Variants in CACNG7 observed in about 807,000 individuals in gnomAD.
The protein encoded by CACNG7 is calcium voltage-gated channel auxiliary subunit gamma 7, also known as voltage-dependent calcium channel gamma-7 subunit.
CACNG7 carries 9 observed loss-of-function variants against 26.3 expected under a neutral mutation model. The ratio of observed to expected loss-of-function variants is 0.34; its 90% CI spans 0.21 to 0.60. The LOEUF (loss-of-function observed/expected upper bound fraction) is 0.60, where lower values mean the gene tolerates loss of function less well. CACNG7 is among the 20% of genes least tolerant of loss of function. The pLI is 0.81. For missense variants in CACNG7, 297 were observed against 380.4 expected, an observed-to-expected ratio of 0.78 and a Z score of 1.82; for synonymous variants, 170 against 157.0, an observed-to-expected ratio of 1.08 and a Z score of -0.62.
chr19:53,921,991 C>CCTGGTCATTGGTGGAGTTGCCCCAGGT (rs2068961098), intron 4 of CACNG7, among the ~76,000 whole-genome samples: 3 of 41,478 alleles, frequency 7.2e-5, no homozygotes, highest in Non-Finnish European at 1.2e-4. Context: ...TTGCCCCAGG[C>CCTGGTCATTGGTGGAGTTGCCCCAGGT]CTGGTCATTG....
chr19:53,918,972 G>A (rs1292559103), intron 4 of CACNG7, among the ~76,000 whole-genome samples: 1 of 152,130 alleles, frequency 6.6e-6, no homozygotes, highest in Non-Finnish European at 1.5e-5. Flanking sequence ...GTTTCACTGT[G>A]TTAGCCAGGA....
intron 4 of CACNG7, among the ~76,000 whole-genome samples, chr19:53,922,521 G>A (rs561487382): frequency 1.1e-5 from 1 of 91,508 alleles, no homozygotes; most frequent in South Asian, 4.3e-4. Context: ...GGTCATTGGT[G>A]GAGTTGTCCC....
chr19:53,916,089 T>C (rs2068895552), intron 4 of CACNG7, among the ~76,000 whole-genome samples: 1 of 152,236 alleles, frequency 6.6e-6, no homozygotes, highest in African/African-American at 2.4e-5. Flanking sequence ...CTTGCGTCTG[T>C]CCATCTGTCT....
intron 4 of CACNG7, among the ~76,000 whole-genome samples, chr19:53,935,632 G>GTTTTTTT (rs751162910): frequency 3.6e-5 from 1 of 27,558 alleles, no homozygotes; most frequent in Non-Finnish European, 7.0e-5. Flanking sequence ...CTCCAATACT[G>GTTTTTTT]TCTTTTTTTT....
Position 53,942,314 on chromosome 19 carries a change from C to A in CACNG7, c.*21C>A, listed in dbSNP as rs201657701. ...GCTGAGGCCCGCCCCTCGGAGCTCC[C>A]CCTGCCTCCTCCTCCTCCTCGTCTT... On this transcript the variant is annotated 3_prime_UTR_variant, in exon 6 of 6. Coordinates refer to ENST00000391767, the MANE Select transcript of CACNG7 (RefSeq NM_031896.5). The surrounding 1 kb of genome is among the most constrained non-coding windows in gnomAD (Gnocchi z 5.9). 1 of 1,586,646 alleles carries A rather than the reference C, an allele frequency of 6.3e-7. No individual in the cohort carries two copies. Among genetic ancestry groups the A allele is most frequent in the South Asian group, 1.1e-5 (1 of 89,704 alleles).
intron 4 of CACNG7, among the ~76,000 whole-genome samples, 197 bp from the exon 5 acceptor site, chr19:53,941,273 T>C (rs1412990455): frequency 5.9e-5 from 9 of 152,028 alleles, no homozygotes; most frequent in Non-Finnish European, 1.5e-5. Flanking sequence ...GGATGGCAGA[T>C]TTAGGGGGAT....
chr19:53,931,705 A>AG (rs1568781856), intron 4 of CACNG7, among the ~76,000 whole-genome samples: 1 of 148,638 alleles, frequency 6.7e-6, no homozygotes, highest in African/African-American at 2.5e-5. Context: ...AAAAAAAAAA[A>AG]AAAGAAAGGA....
At position 53,915,366 on chromosome 19, in the gene CACNG7, G is replaced by A. The variant is rs2068889453; in HGVS notation, c.285G>A (p.Lys95=). The A allele has an allele frequency of 6.2e-7, 1 of 1,612,466 alleles. No homozygotes were observed. The highest frequency in any genetic ancestry group is 1.1e-5 in the South Asian group (1 of 91,020). ...LVTENTENIL[K]TVRTATPFPM... ...TGTCTCTCCCCATCCCCTCCCCAGA[G>A]ACAGTGCGCACGGCCACCCCCTTCC... The change falls in exon 4 of 6, where the codon AAG becomes AAA. Residue 95 remains lysine (K), a splice_region_variant and synonymous_variant. Transcript: ENST00000391767.
intron 4 of CACNG7, among the ~76,000 whole-genome samples, chr19:53,922,753 GGTCATTGGTGGGGTTGTCCCAGGCTC>G (rs1449747269): frequency 1.4e-4 from 9 of 65,676 alleles, no homozygotes; most frequent in South Asian, 6.2e-4. Context: ...TCCCAGGTCT[GGTCATTGGTGGGGTTGTCCCAGGCTC>G]GTCATTGGTG....
intron 4 of CACNG7, among the ~76,000 whole-genome samples, chr19:53,929,964 G>A (rs1384930544): frequency 6.6e-6 from 1 of 151,646 alleles, no homozygotes; most frequent in Non-Finnish European, 1.5e-5. Flanking sequence ...AAAACAAGGT[G>A]GACTTGTTTC....
At chr19:53,918,442 T>C (rs2068912272) in intron 4 of CACNG7, among the ~76,000 whole-genome samples, 1 of 152,194 alleles carries the variant, frequency 6.6e-6, no homozygotes, top group South Asian at 2.1e-4. Flanking sequence ...GTAATTTTCA[T>C]GTGCATGAAA....
In CACNG7 at chr19:53,942,408, C is replaced by G. The variant is rs988424353; in HGVS notation, c.*115C>G. 2.0e-6 allele frequency: 3 copies of G among 1,506,700 alleles called. No individual in the cohort carries two copies. The highest frequency in any genetic ancestry group is 2.7e-6 in the Non-Finnish European group (3 of 1,131,872). The allele number at this position is 1,506,700 out of a possible 1,614,324, so 93.3% of individuals were successfully genotyped here. On this transcript the variant is annotated 3_prime_UTR_variant, in exon 6 of 6. Transcript: ENST00000391767. This position sits in a 1 kb window ranked among gnomAD's most constrained non-coding sequence, Gnocchi z 5.9. Reference sequence around the variant, plus strand: ...ACTCCTCGCTCCCACCCGGAGGAGGCTGCGCCAGCTTTAGGCCCCGCCCTC... The same window carrying G: ...ACTCCTCGCTCCCACCCGGAGGAGGGTGCGCCAGCTTTAGGCCCCGCCCTC...
intron 4 of CACNG7, among the ~76,000 whole-genome samples, chr19:53,924,281 T>TCTGGTCATTGGTGGACTTG (rs2069000888): frequency 7.7e-6 from 1 of 130,512 alleles, no homozygotes; most frequent in Non-Finnish European, 1.6e-5. Flanking sequence ...TGGTGGACTT[T>TCTGGTCATTGGTGGACTTG]CCCCAGGTCT....
At chr19:53,930,179 C>T (rs531063537) in intron 4 of CACNG7, among the ~76,000 whole-genome samples, 29 of 147,948 alleles carry the variant, frequency 2.0e-4, no homozygotes, top group Admixed American at 8.7e-4. Flanking sequence ...GTTTTTCTCT[C>T]TATCTCTCTA....
At chr19:53,930,857 T>C (rs1215339672) in intron 4 of CACNG7, among the ~76,000 whole-genome samples, 2 of 152,168 alleles carry the variant, frequency 1.3e-5, no homozygotes, top group East Asian at 1.9e-4. Context: ...CTTTAGCATT[T>C]GAAAGTAAAT....
chr19:53,941,397 C>T, intron 4 of CACNG7, 73 bp from the exon 5 acceptor site: 1 of 1,436,484 alleles, frequency 7.0e-7, no homozygotes, highest in Non-Finnish European at 9.2e-7. Context: ...GAGGGGAAGG[C>T]AGTGAGGTGG....
At chr19:53,924,449 C>CAGGTCTGGTCATTGGTGGAGTTGTCCG (rs1568777523) in intron 4 of CACNG7, among the ~76,000 whole-genome samples, 1 of 142,810 alleles carries the variant, frequency 7.0e-6, no homozygotes, top group South Asian at 2.3e-4. Context: ...GGAGTTGTCC[C>CAGGTCTGGTCATTGGTGGAGTTGTCCG]AGGTCTGGTC....
In CACNG7 at chr19:53,940,007, C is replaced by T. The variant is rs115569474; in HGVS notation, c.425-1463C>T. Among the ~76,000 whole-genome samples the T allele has an allele frequency of 5.4e-4, 82 of 152,124 alleles. No homozygotes were observed. Among genetic ancestry groups the T allele is most frequent in the African/African-American group, 1.7e-3 (69 of 41,494 alleles). ...CCATGGACCATGGTTTGCCGACCAC[C>T]GGTGTAGACAGTGGAAGGAATTTGG... On this transcript the variant is annotated intron_variant, in intron 4 of 5. Coordinates refer to ENST00000391767, the MANE Select transcript of CACNG7 (RefSeq NM_031896.5). The surrounding 1 kb of genome is among the most constrained non-coding windows in gnomAD (Gnocchi z 4.1).
Position 53,914,595 on chromosome 19 carries a change from A to T in CACNG7, c.283+9A>T. The T allele has an allele frequency of 6.2e-7, 1 of 1,611,966 alleles. No homozygotes were observed. Among genetic ancestry groups the T allele is most frequent in the Non-Finnish European group, 8.5e-7 (1 of 1,178,086 alleles). The stretch of plus-strand genomic sequence containing the variant: ...CACGGAGAATATTCTGAGTGAGGGG[A>T]TGTGGGGGCACCTAGGCACAAGACA... On this transcript the variant is annotated intron_variant, in intron 3 of 5. Coordinates refer to ENST00000391767, the MANE Select transcript of CACNG7 (RefSeq NM_031896.5).
Sources: gnomAD v4.1 joint callset for allele counts (sites outside exome capture counted in the v4.1 genomes callset) on GRCh38, gnomAD v4.1.1 for gene constraint, Gnocchi (gnomAD v3.1) non-coding constraint, MANE v1.5 for transcripts, NCBI Gene and HGNC (gene_info 2026-07-23, HGNC 2026-07-21) for gene names.